CEP350: variants seen among roughly 807,000 people sequenced by gnomAD.
CEP350 encodes the protein centrosomal protein 350, also known as centrosome-associated protein 350.
Under a neutral mutation model 331.8 loss-of-function variants are expected in CEP350, and 126 were observed. The ratio of observed to expected loss-of-function variants is 0.38; its 90% CI spans 0.33 to 0.44. CEP350 has a LOEUF of 0.44. Ranked by LOEUF, CEP350 falls within the 20% of genes least tolerant of loss-of-function variation. CEP350 has a pLI of 1.00. For missense variants in CEP350, 3,406 were observed against 3,634.6 expected, an observed-to-expected ratio of 0.94 and a Z score of 1.62; for synonymous variants, 1,200 against 1,259.5, an observed-to-expected ratio of 0.95 and a Z score of 1.00.
chr1:179,967,602 G>A (rs1314488095), intron 1 of CEP350, among the ~76,000 whole-genome samples: 1 of 151,956 alleles, frequency 6.6e-6, no homozygotes, highest in African/African-American at 2.4e-5. Flanking sequence ...AATAGAGATG[G>A]GGTTTCACCA....
At chr1:179,964,001 T>C (rs1650819101) in intron 1 of CEP350, among the ~76,000 whole-genome samples, 1 of 152,144 alleles carries the variant, frequency 6.6e-6, no homozygotes, top group Non-Finnish European at 1.5e-5. Context: ...CCTTCATCAG[T>C]GTTTTGTAGT....
Position 180,020,491 on chromosome 1 carries a change from T to A in CEP350, c.2717T>A (p.Phe906Tyr). 6.2e-7 allele frequency: 1 copy of A among 1,614,008 alleles called. No homozygotes were observed. Among genetic ancestry groups the A allele is most frequent in the East Asian group, 2.2e-5 (1 of 44,886 alleles). The change falls in exon 12 of 38, where the codon TTT becomes TAT. Residue 906 changes from phenylalanine (F) to tyrosine (Y), a missense_variant. Coordinates refer to ENST00000367607, the MANE Select transcript of CEP350 (RefSeq NM_014810.5). ...MLGSCVSHAT[F>Y]DDDLPGVGNL... is the part of the protein sequence containing the mutation. Reference sequence around the variant, plus strand: ...GGAAGCTGTGTATCTCATGCAACTTTTGATGATGATCTTCCTGGTGTAGGC... The same window carrying A: ...GGAAGCTGTGTATCTCATGCAACTTATGATGATGATCTTCCTGGTGTAGGC...
chr1:180,100,891 A>G (rs1044048115), intron 37 of CEP350, among the ~76,000 whole-genome samples: 5 of 152,190 alleles, frequency 3.3e-5, no homozygotes, highest in Admixed American at 6.5e-5. Context: ...CCATGATACA[A>G]TTACCTCCCC....
chr1:180,030,911 T>TA (rs1315185686), intron 14 of CEP350, among the ~76,000 whole-genome samples: 5 of 152,110 alleles, frequency 3.3e-5, no homozygotes, highest in Admixed American at 1.3e-4. Flanking sequence ...ACATAGTTCT[T>TA]ACCATAGACT....
At chr1:180,012,124 T>G (rs1654698522) in intron 9 of CEP350, 49 bp downstream of exon 9, 3 of 1,465,236 alleles carry the variant, frequency 2.0e-6, no homozygotes, top group African/African-American at 2.9e-5. Context: ...AAAATTGCTA[T>G]TAAGTACTTA....
chr1:179,955,126 G>A lies in CEP350; in HGVS notation c.-30G>A. On this transcript the variant is annotated 5_prime_UTR_variant, in exon 1 of 38. Coordinates refer to ENST00000367607, the MANE Select transcript of CEP350 (RefSeq NM_014810.5). ...GGGATGCACCGTGGTAGCCGAGGGC[G>A]GAGGCGACACTCTCAGGTGAGCTCC... The A allele has an allele frequency of 6.8e-7, 1 of 1,471,260 alleles. No individual in the cohort carries two copies. Among genetic ancestry groups the A allele is most frequent in the East Asian group, 3.0e-5 (1 of 33,676 alleles). 91.1% of individuals were successfully genotyped at this position (1,471,260 alleles called of 1,614,324 possible).
rs555974884 is a variant in CEP350 at position 180,048,301 on chromosome 1, A to G, written c.4623-235A>G. On this transcript the variant is annotated intron_variant, in intron 21 of 37. Coordinates refer to ENST00000367607, the MANE Select transcript of CEP350 (RefSeq NM_014810.5). ...AAAAAGGGAGTGATAACCTAACAACACTGCCTATTATTATTATTTAAAAGT... is the reference window on the plus strand; with the variant it reads ...AAAAAGGGAGTGATAACCTAACAACGCTGCCTATTATTATTATTTAAAAGT... Among the ~76,000 whole-genome samples, 2 of 152,312 alleles carry G rather than the reference A, an allele frequency of 1.3e-5. 1 individual carries two copies. Among genetic ancestry groups the G allele is most frequent in the East Asian group, 3.9e-4 (2 of 5,192 alleles).
chr1:180,061,540 G>T (rs969661486), intron 25 of CEP350, among the ~76,000 whole-genome samples: 1 of 152,202 alleles, frequency 6.6e-6, no homozygotes, highest in African/African-American at 2.4e-5. Context: ...AGGATTATCT[G>T]TTAAATTTTG....
intron 1 of CEP350, among the ~76,000 whole-genome samples, chr1:179,964,080 A>C (rs1049939728): frequency 1.3e-5 from 2 of 152,034 alleles, no homozygotes; most frequent in African/African-American, 2.4e-5. Flanking sequence ...TCATGTGGCT[A>C]TTATAGATGG....
chr1:180,087,701 C>T lies in CEP350; in HGVS notation c.6409C>T (p.Leu2137Phe). 6.3e-7 allele frequency: 1 copy of T among 1,577,966 alleles called. No homozygotes were observed. The highest frequency in any genetic ancestry group is 8.6e-7 in the Non-Finnish European group (1 of 1,160,814). Residue 2137 changes from leucine to phenylalanine, a missense_variant, in exon 32 of 38, where the codon CTC (leucine) becomes TTC (phenylalanine). Physicochemically the swap from Leu to Phe is conservative, Grantham distance 22. This residue lies in a region of CEP350 where 1,415 missense variants were observed against 1,512.3 expected (regional missense o/e 0.94). Coordinates refer to ENST00000367607, the MANE Select transcript of CEP350 (RefSeq NM_014810.5). ...SASEKPKIKP[L>F]TPLHRSETAK... ...TTCTGAAAAACCCAAGATCAAACCC[C>T]TCACACCACTACACAGGTAGAAATT...
chr1:180,004,927 CTT>C (rs367845675), intron 7 of CEP350, among the ~76,000 whole-genome samples: 1 of 74,962 alleles, frequency 1.3e-5, no homozygotes, highest in Non-Finnish European at 2.7e-5. Flanking sequence ...TTCTTTCTTT[CTT>C]TCTTTCTTTC....
At chr1:179,993,792 G>A (rs1326160493) in intron 5 of CEP350, among the ~76,000 whole-genome samples, 2 of 152,226 alleles carry the variant, frequency 1.3e-5, no homozygotes, top group South Asian at 2.1e-4. Flanking sequence ...GAAGATAGCT[G>A]TGAATGGAAT....
chr1:180,091,009 T>G (rs1571986421), intron 33 of CEP350, among the ~76,000 whole-genome samples: 6 of 148,730 alleles, frequency 4.0e-5, no homozygotes, highest in South Asian at 4.3e-4. Flanking sequence ...GTTTTTTGGG[T>G]TTTTTTTTTG....
chr1:179,979,028 A>G (rs1398286890), intron 1 of CEP350, among the ~76,000 whole-genome samples: 1 of 152,168 alleles, frequency 6.6e-6, no homozygotes, highest in East Asian at 1.9e-4. Flanking sequence ...TGCTATAAAC[A>G]TGGAAGTGCA....
At chr1:180,002,190 T>C (rs1410586199) in intron 6 of CEP350, among the ~76,000 whole-genome samples, 1 of 152,200 alleles carries the variant, frequency 6.6e-6, no homozygotes, top group Non-Finnish European at 1.5e-5. Context: ...AACAGTTTGG[T>C]AGACTTGGCG....
In CEP350 at chr1:180,096,023, T is replaced by C. The variant is rs1660462487; in HGVS notation, c.8920-15T>C. 6.5e-7 allele frequency: 1 copy of C among 1,546,614 alleles called. No individual in the cohort carries two copies. The highest frequency in any genetic ancestry group is 2.1e-5 in the Admixed American group (1 of 48,580). ...AGCCATTTTGTTTTGTTTTGTTTTG[T>C]TTTTCTCTATCAAGGCGGTTTTTGA... is the stretch of plus-strand genomic sequence containing the variant. On this transcript the variant is annotated splice_polypyrimidine_tract_variant and intron_variant, in intron 35 of 37. Coordinates refer to ENST00000367607, the MANE Select transcript of CEP350 (RefSeq NM_014810.5).
At chr1:180,048,804 C>T (rs1657291429) in intron 22 of CEP350, 99 bp downstream of exon 22, 1 of 915,464 alleles carries the variant, frequency 1.1e-6, no homozygotes, top group Non-Finnish European at 1.7e-6. Context: ...TGTGGTGGCT[C>T]ATGCCAGTAA....
At position 180,034,119 on chromosome 1, in the gene CEP350, G is replaced by T. The variant is rs185795361; in HGVS notation, c.3946+37G>T. The T allele has an allele frequency of 5.0e-4, 789 of 1,575,676 alleles. 6 individuals are homozygous for T. In the Middle Eastern group the frequency reaches 7.6e-3, roughly 15 times the overall value. ...CATGCAATTGTAATTTTTAGAATACGATATGAAATTTTTTTCTCTCAACAT... is the reference window on the plus strand; with the variant it reads ...CATGCAATTGTAATTTTTAGAATACTATATGAAATTTTTTTCTCTCAACAT... On this transcript the variant is annotated intron_variant, in intron 16 of 37. Transcript: ENST00000367607.
At chr1:180,021,917 A>G (rs1206482989) in intron 12 of CEP350, among the ~76,000 whole-genome samples, 1 of 152,174 alleles carries the variant, frequency 6.6e-6, no homozygotes, top group Non-Finnish European at 1.5e-5. Context: ...TTTCTTTTCT[A>G]TGATAGACTC....
Sources: allele counts gnomAD v4.1 joint callset (sites outside exome capture counted in the v4.1 genomes callset), GRCh38; gene constraint gnomAD v4.1.1; regional missense constraint gnomAD v4.1.1; transcripts MANE v1.5; gene names NCBI Gene and HGNC (gene_info 2026-07-23, HGNC 2026-07-21).